MACROD2: variants seen among roughly 807,000 people sequenced by gnomAD.
The protein encoded by MACROD2 is mono-ADP ribosylhydrolase 2, also known as ADP-ribose glycohydrolase MACROD2.
Under a neutral mutation model 70.4 loss-of-function variants are expected in MACROD2, and 36 were observed. That is an observed-to-expected ratio of 0.51 (90% CI 0.39 to 0.68). The LOEUF is 0.68. Among genes scored for constraint, MACROD2 ranks in the 30% least tolerant of loss-of-function variants. The pLI is 0.00. For missense variants in MACROD2, 496 were observed against 538.4 expected (o/e 0.92, Z 0.78); for synonymous variants, 172 against 178.8 (o/e 0.96, Z 0.30).
chr20:15,284,052 A>G (rs549075754), intron 6 of MACROD2, among the ~76,000 whole-genome samples: 1 of 152,210 alleles, frequency 6.6e-6, no homozygotes, highest in Non-Finnish European at 1.5e-5. Flanking sequence ...TAATACTAAT[A>G]CAACACTGAA....
intron 8 of MACROD2, among the ~76,000 whole-genome samples, chr20:15,570,053 C>CA (rs554192267): frequency 3.7e-4 from 57 of 152,032 alleles, no homozygotes; most frequent in African/African-American, 1.4e-3. Context: ...TGAGGAACCT[C>CA]AAAAAATGTA....
intron 6 of MACROD2, among the ~76,000 whole-genome samples, chr20:15,405,460 A>G (rs555332783): frequency 1.3e-5 from 2 of 152,098 alleles, no homozygotes; most frequent in Non-Finnish European, 2.9e-5. Flanking sequence ...AGCCTCCAGG[A>G]GCAATAGGAT....
intron 4 of MACROD2, among the ~76,000 whole-genome samples, chr20:14,495,995 C>T (rs937761825): frequency 8.5e-5 from 13 of 152,080 alleles, no homozygotes; most frequent in East Asian, 1.9e-4. Context: ...CTCTAAAACA[C>T]GTGTCTGATT....
intron 5 of MACROD2, among the ~76,000 whole-genome samples, chr20:14,780,498 G>T (rs982623795): frequency 4.7e-5 from 7 of 149,470 alleles, no homozygotes; most frequent in African/African-American, 1.5e-4. Context: ...GGAGGCGGAG[G>T]TTGCAGTGAG....
chr20:14,518,796 T>C (rs2085132203), intron 4 of MACROD2, among the ~76,000 whole-genome samples: 1 of 152,126 alleles, frequency 6.6e-6, no homozygotes, highest in Admixed American at 6.6e-5. Context: ...TCAGCACTCA[T>C]AGGATATAAT....
intron 5 of MACROD2, among the ~76,000 whole-genome samples, chr20:14,779,911 T>C (rs1034297026): frequency 3.3e-5 from 5 of 152,144 alleles, no homozygotes; most frequent in African/African-American, 1.2e-4. Flanking sequence ...ATGCAGCTTG[T>C]AGTTTGTTGC....
intron 5 of MACROD2, among the ~76,000 whole-genome samples, chr20:15,085,209 C>G (rs1337684428): frequency 6.6e-6 from 1 of 151,996 alleles, no homozygotes; most frequent in Non-Finnish European, 1.5e-5. Context: ...AAGTTGGACC[C>G]TCTATCTCAC....
At chr20:14,997,255 C>T (rs2074957820) in intron 5 of MACROD2, among the ~76,000 whole-genome samples, 1 of 152,138 alleles carries the variant, frequency 6.6e-6, no homozygotes, top group South Asian at 2.1e-4. Context: ...AGTCCTGAGG[C>T]CCCCATTCTG....
intron 4 of MACROD2, among the ~76,000 whole-genome samples, chr20:14,558,582 A>G (rs183490055): frequency 6.6e-6 from 1 of 151,916 alleles, no homozygotes; most frequent in East Asian, 1.9e-4. Context: ...ACATTATTAG[A>G]GCTAAAGAGA....
At chr20:14,493,106 G>A (rs945986714) in intron 3 of MACROD2, among the ~76,000 whole-genome samples, 18 of 151,530 alleles carry the variant, frequency 1.2e-4, no homozygotes, top group Non-Finnish European at 1.8e-4. Context: ...TTGTTACATC[G>A]TCCTTTGAAA....
intron 4 of MACROD2, among the ~76,000 whole-genome samples, chr20:14,662,729 A>G (rs1040397334): frequency 2.6e-5 from 4 of 151,614 alleles, no homozygotes; most frequent in Admixed American, 2.6e-4. Context: ...CAATCATATG[A>G]ATAAAAGCTC....
intron 3 of MACROD2, among the ~76,000 whole-genome samples, chr20:14,483,841 C>G (rs962965513): frequency 3.9e-5 from 6 of 152,168 alleles, no homozygotes; most frequent in Non-Finnish European, 8.8e-5. Flanking sequence ...AAGTTCAAGA[C>G]CTGTCATGCT....
In MACROD2 at chr20:14,324,139, T is replaced by A. The variant is rs183080338; in HGVS notation, c.272-169340T>A. ...GCAAGCACAATTATTCTGTACTTTTTAAAAGTTTTATTCAGCAATAAGACC... is the reference window on the plus strand; with the variant it reads ...GCAAGCACAATTATTCTGTACTTTTAAAAAGTTTTATTCAGCAATAAGACC... On this transcript the variant is annotated intron_variant, in intron 3 of 17. Coordinates refer to ENST00000684519, the MANE Select transcript of MACROD2 (RefSeq NM_001351661.2). 752 of 152,722 alleles carry A rather than the reference T, an allele frequency of 4.9e-3. 2 individuals are homozygous for A. The highest frequency in any genetic ancestry group is 9.1e-3 in the South Asian group (44 of 4,824). 9.5% of individuals were successfully genotyped at this position (152,722 alleles called of 1,614,324 possible).
At chr20:15,008,136 A>T (rs1270485771) in intron 5 of MACROD2, among the ~76,000 whole-genome samples, 1 of 152,146 alleles carries the variant, frequency 6.6e-6, no homozygotes, top group Non-Finnish European at 1.5e-5. Flanking sequence ...AAAACTTTTG[A>T]TATGTAGCCT....
At chr20:15,669,211 G>A (rs1346346963) in intron 8 of MACROD2, among the ~76,000 whole-genome samples, 7 of 152,168 alleles carry the variant, frequency 4.6e-5, no homozygotes, top group Non-Finnish European at 5.9e-5. Flanking sequence ...GTCAAAGTAC[G>A]AATATAATTA....
intron 8 of MACROD2, among the ~76,000 whole-genome samples, chr20:15,511,010 A>T (rs2047491901): frequency 6.6e-6 from 1 of 152,224 alleles, no homozygotes; most frequent in Non-Finnish European, 1.5e-5. Flanking sequence ...ACCTGGTCAG[A>T]TTCACATCTG....
intron 10 of MACROD2, among the ~76,000 whole-genome samples, chr20:15,914,248 C>G (rs1463593731): frequency 1.3e-5 from 2 of 152,198 alleles, no homozygotes; most frequent in African/African-American, 4.8e-5. Flanking sequence ...TGGAAAACAG[C>G]TCTATCTATC....
In MACROD2 at chr20:15,719,072, A is replaced by G. The variant is rs572770040; in HGVS notation, c.646-143673A>G. ...TCAAATTATCCTTTTGCAATGATAAATCTTTCCTAAAGCATTTAATTCTGC... is the reference window on the plus strand; with the variant it reads ...TCAAATTATCCTTTTGCAATGATAAGTCTTTCCTAAAGCATTTAATTCTGC... On this transcript the variant is annotated intron_variant, in intron 8 of 17. Coordinates refer to ENST00000684519, the MANE Select transcript of MACROD2 (RefSeq NM_001351661.2). Among the ~76,000 whole-genome samples the G allele has an allele frequency of 1.5e-3, 222 of 152,250 alleles. 2 individuals carry two copies. The highest frequency in any genetic ancestry group is 5.1e-3 in the African/African-American group (211 of 41,534).
intron 5 of MACROD2, among the ~76,000 whole-genome samples, chr20:15,121,194 T>G (rs185213884): frequency 6.6e-6 from 1 of 152,280 alleles, no homozygotes; most frequent in East Asian, 1.9e-4. Flanking sequence ...GGATAGGTAG[T>G]GCTTACAATT....
Sources: gnomAD v4.1 joint callset for allele counts (sites outside exome capture counted in the v4.1 genomes callset) on GRCh38, gnomAD v4.1.1 for gene constraint, MANE v1.5 for transcripts, NCBI Gene and HGNC (gene_info 2026-07-23, HGNC 2026-07-21) for gene names.